The following RANBP2 variants were observed in gnomAD, a reference collection of about 807,000 sequenced individuals.
RANBP2 encodes the protein E3 SUMO-protein ligase RanBP2.
RANBP2 carries 57 observed loss-of-function variants against 303.6 expected under a neutral mutation model. That is an observed-to-expected ratio of 0.19 (90% CI 0.15 to 0.23). The LOEUF (loss-of-function observed/expected upper bound fraction) is 0.23. Ranked by LOEUF, RANBP2 falls within the 10% of genes least tolerant of loss-of-function variation. The pLI, the probability that RANBP2 is intolerant of heterozygous loss-of-function variation, is 1.00. For missense variants in RANBP2, 3,138 were observed against 3,780.8 expected (o/e 0.83, Z 4.46); for synonymous variants, 1,167 against 1,301.5 (o/e 0.90, Z 2.23).
At chr2:109,392,616 G>A in the RANBP2 span, among the ~76,000 whole-genome samples, 4 of 151,886 alleles carry the variant, frequency 2.6e-5, no homozygotes, top group African/African-American at 7.3e-5. Context: ...GTGGGTTCAC[G>A]CCAGCCGTTC....
At chr2:109,585,742 A>G in the RANBP2 span, 2 of 1,613,178 alleles carry the variant, frequency 1.2e-6, no homozygotes, top group Admixed American at 3.3e-5. Context: ...ATATTAAAGC[A>G]GAAACCTTGC....
At chr2:108,945,719 C>T in the RANBP2 span, among the ~76,000 whole-genome samples, 2 of 152,310 alleles carry the variant, frequency 1.3e-5, no homozygotes, top group East Asian at 3.9e-4. Context: ...TGGAATATTA[C>T]TCAGCCTTAA....
At chr2:108,954,735 G>C in the RANBP2 span, among the ~76,000 whole-genome samples, 70 of 152,022 alleles carry the variant, frequency 4.6e-4, no homozygotes, top group African/African-American at 1.6e-3. Context: ...GAGTGCAATG[G>C]CGTGATCTCG....
the RANBP2 span, among the ~76,000 whole-genome samples, chr2:109,041,667 G>A: frequency 6.8e-6 from 1 of 146,550 alleles, no homozygotes; most frequent in Non-Finnish European, 1.5e-5. Context: ...GACTACAGGT[G>A]CCCGCCACCA....
the RANBP2 span, among the ~76,000 whole-genome samples, chr2:108,798,213 G>C: frequency 2.0e-5 from 3 of 152,090 alleles, no homozygotes; most frequent in African/African-American, 4.8e-5. Flanking sequence ...CATCACAGTG[G>C]ACTCTTACTA....
chr2:108,760,300 T>C (rs143115410), intron 18 of RANBP2, among the ~76,000 whole-genome samples: 8,300 of 152,284 alleles, frequency 0.055, 273 homozygotes, highest in South Asian at 0.15. Flanking sequence ...ATGAGATTGT[T>C]ACCATGTTAC....
At chr2:109,192,103 G>T in the RANBP2 span, among the ~76,000 whole-genome samples, 1 of 152,210 alleles carries the variant, frequency 6.6e-6, no homozygotes, top group South Asian at 2.1e-4. Flanking sequence ...GTCAACTTTG[G>T]TTAATTTTGG....
chr2:109,261,405 C>CAGTAAAATGTGCAGTCTGTGGA, the RANBP2 span, among the ~76,000 whole-genome samples: 2 of 152,294 alleles, frequency 1.3e-5, no homozygotes, highest in South Asian at 4.2e-4. Flanking sequence ...TACAGCAGAG[C>CAGTAAAATGTGCAGTCTGTGGA]AGTAAAATGT....
the RANBP2 span, chr2:109,129,492 G>C: frequency 8.0e-6 from 12 of 1,494,626 alleles, no homozygotes; most frequent in Non-Finnish European, 1.1e-5. Flanking sequence ...GCTCCACGCC[G>C]GCCCCGGGAC....
the RANBP2 span, among the ~76,000 whole-genome samples, chr2:109,104,859 A>G: frequency 3.3e-5 from 5 of 152,208 alleles, no homozygotes; most frequent in East Asian, 9.6e-4. Flanking sequence ...CTTGCTGTTG[A>G]CTAGATACAG....
At chr2:109,760,476 T>C in the RANBP2 span, 2 of 962,372 alleles carry the variant, frequency 2.1e-6, no homozygotes, top group Non-Finnish European at 2.4e-6. Context: ...AGCTCGCTGC[T>C]CTCTCTTGAG....
At chr2:109,614,022 G>C in the RANBP2 span, 9 of 1,205,714 alleles carry the variant, frequency 7.5e-6, no homozygotes, top group East Asian at 1.7e-4. Context: ...CGGACGCCCT[G>C]TGGTGCGCGC....
At chr2:108,738,963 T>C (rs1162013174) in intron 6 of RANBP2, among the ~76,000 whole-genome samples, 2 of 152,176 alleles carry the variant, frequency 1.3e-5, no homozygotes, top group Non-Finnish European at 2.9e-5. Flanking sequence ...ATAATTATTT[T>C]TCAACAGCAA....
the RANBP2 span, among the ~76,000 whole-genome samples, chr2:109,378,568 A>G: frequency 0.032 from 4,903 of 152,020 alleles, 189 homozygotes; most frequent in African/African-American, 0.086. Flanking sequence ...TTACTGTTTG[A>G]GGTATTGGAC....
chr2:109,331,446 C>G, the RANBP2 span, among the ~76,000 whole-genome samples: 1 of 152,092 alleles, frequency 6.6e-6, no homozygotes, highest in Non-Finnish European at 1.5e-5. Flanking sequence ...TGCAACTTCT[C>G]CCTGCCAGGA....
downstream of RANBP2, among the ~76,000 whole-genome samples, chr2:108,787,460 C>A (rs1480002931): frequency 6.6e-6 from 1 of 152,136 alleles, no homozygotes; most frequent in South Asian, 2.1e-4. Flanking sequence ...ATAACTTGTG[C>A]ATTTTTCCTA....
At chr2:109,524,587 T>A in the RANBP2 span, among the ~76,000 whole-genome samples, 1 of 151,686 alleles carries the variant, frequency 6.6e-6, no homozygotes, top group African/African-American at 2.4e-5. Flanking sequence ...TGAAACCCTG[T>A]CTCTACTAAA....
At chr2:109,045,209 G>A in the RANBP2 span, among the ~76,000 whole-genome samples, 1 of 152,142 alleles carries the variant, frequency 6.6e-6, no homozygotes, top group African/African-American at 2.4e-5. Context: ...GACAAAGAGG[G>A]TATTCTAGAA....
the RANBP2 span, chr2:108,896,559 C>A: frequency 7.8e-6 from 2 of 255,264 alleles, no homozygotes; most frequent in Non-Finnish European, 1.5e-5. Flanking sequence ...GGACCAGATT[C>A]TTCACTTCTG....
Sources: gnomAD v4.1 joint callset for allele counts (sites outside exome capture counted in the v4.1 genomes callset) on GRCh38, gnomAD v4.1.1 for gene constraint, MANE v1.5 for transcripts, NCBI Gene and HGNC (gene_info 2026-07-23, HGNC 2026-07-21) for gene names.